The following RGS6 variants were observed in gnomAD, a reference collection of about 807,000 sequenced individuals.
RGS6 encodes the protein regulator of G protein signaling 6, also known as regulator of G-protein signaling 6.
Under a neutral mutation model 78.5 loss-of-function variants are expected in RGS6, and 30 were observed. The ratio of observed to expected loss-of-function variants is 0.38; its 90% CI spans 0.29 to 0.52. The LOEUF is 0.52. Among genes scored for constraint, RGS6 ranks in the 20% least tolerant of loss-of-function variants. RGS6 has a pLI of 0.85. For synonymous variants in RGS6, 206 were observed against 206.0 expected (o/e 1.00, Z 0.00); for missense variants, 495 against 609.7 (o/e 0.81, Z 1.98).
At chr14:72,578,553 T>C in the RGS6 span, among the ~76,000 whole-genome samples, 2 of 152,202 alleles carry the variant, frequency 1.3e-5, no homozygotes, top group Non-Finnish European at 2.9e-5. Flanking sequence ...CCTATTCCCA[T>C]CGAAATTCAC....
intron 2 of RGS6, among the ~76,000 whole-genome samples, chr14:72,022,900 C>T (rs1381314533): frequency 2.6e-5 from 4 of 152,196 alleles, no homozygotes; most frequent in Admixed American, 6.5e-5. Flanking sequence ...GTAAACACAG[C>T]GATGCCTACG....
intron 13 of RGS6, among the ~76,000 whole-genome samples, chr14:72,500,867 A>G (rs1036901525): frequency 1.3e-5 from 2 of 152,218 alleles, no homozygotes; most frequent in African/African-American, 4.8e-5. Context: ...CCTAGCATTG[A>G]GGTGACCAGG....
At chr14:72,316,852 G>T (rs1277936314) in intron 2 of RGS6, among the ~76,000 whole-genome samples, 1 of 150,310 alleles carries the variant, frequency 6.7e-6, no homozygotes, top group Non-Finnish European at 1.5e-5. Context: ...GTAGCTACTA[G>T]CTTATAAACT....
intron 2 of RGS6, among the ~76,000 whole-genome samples, chr14:71,975,885 T>C (rs2094094892): frequency 1.3e-5 from 2 of 152,342 alleles, no homozygotes; most frequent in East Asian, 3.9e-4. Flanking sequence ...TTTCTTATGC[T>C]CTTTTCTGTA....
At chr14:72,313,551 G>A (rs1053076796) in intron 2 of RGS6, among the ~76,000 whole-genome samples, 3 of 152,136 alleles carry the variant, frequency 2.0e-5, no homozygotes, top group African/African-American at 7.2e-5. Flanking sequence ...CCTTATGATC[G>A]TTCCTTCTGC....
intron 2 of RGS6, among the ~76,000 whole-genome samples, chr14:72,229,508 G>A (rs994856300): frequency 2.0e-5 from 3 of 152,134 alleles, no homozygotes. Flanking sequence ...AGCTTCAGCA[G>A]TGCTCTTTAC....
intron 2 of RGS6, among the ~76,000 whole-genome samples, chr14:72,153,170 C>A (rs2096718816): frequency 6.6e-6 from 1 of 152,144 alleles, no homozygotes; most frequent in Non-Finnish European, 1.5e-5. Context: ...TGTTGGGAAA[C>A]CCTATACCTC....
chr14:72,562,399 G>A lies in RGS6; in HGVS notation c.1423-18G>A. On this transcript the variant is annotated intron_variant, in intron 17 of 17. Coordinates refer to ENST00000553525, the MANE Select transcript of RGS6 (RefSeq NM_001204424.2). ...TGTGTGCGCCTGTGCGTGCCTCTCT[G>A]TCGCTGTCTCTCTGCAGGGAAAGTC... is the stretch of plus-strand genomic sequence containing the variant. 6.2e-7 allele frequency: 1 copy of A among 1,611,568 alleles called. No homozygotes were observed. Among genetic ancestry groups the A allele is most frequent in the East Asian group, 2.2e-5 (1 of 44,876 alleles).
At chr14:72,311,313 T>C (rs528143510) in intron 2 of RGS6, among the ~76,000 whole-genome samples, 41 of 152,214 alleles carry the variant, frequency 2.7e-4, no homozygotes, top group Non-Finnish European at 5.1e-4. Flanking sequence ...GTGATTTTTA[T>C]CACACAATCT....
intron 3 of RGS6, among the ~76,000 whole-genome samples, chr14:72,377,931 C>T (rs1326938474): frequency 6.6e-6 from 1 of 152,096 alleles, no homozygotes; most frequent in Non-Finnish European, 1.5e-5. Context: ...ATGCAGTGAG[C>T]CATGATCATG....
chr14:72,404,420 C>A (rs773055731), intron 3 of RGS6, among the ~76,000 whole-genome samples: 4 of 152,142 alleles, frequency 2.6e-5, no homozygotes, highest in East Asian at 1.9e-4. Flanking sequence ...CTGCCTTGTT[C>A]CAGCACTGCC....
intron 2 of RGS6, among the ~76,000 whole-genome samples, chr14:72,268,306 G>T (rs2059385956): frequency 6.6e-6 from 1 of 152,190 alleles, no homozygotes; most frequent in Admixed American, 6.5e-5. Context: ...GGTATTGGGA[G>T]TTTTCTGTTC....
At chr14:72,039,398 C>A (rs544304027) in intron 2 of RGS6, among the ~76,000 whole-genome samples, 1 of 152,224 alleles carries the variant, frequency 6.6e-6, no homozygotes, top group African/African-American at 2.4e-5. Flanking sequence ...CACGTTTATA[C>A]TTATTGTATC....
chr14:72,391,647 G>C (rs569828380), intron 3 of RGS6, among the ~76,000 whole-genome samples: 1 of 152,124 alleles, frequency 6.6e-6, no homozygotes, highest in Non-Finnish European at 1.5e-5. Context: ...CATGCACAAC[G>C]TGCAGGTTTG....
At chr14:72,003,045 G>A (rs921325462) in intron 2 of RGS6, among the ~76,000 whole-genome samples, 4 of 152,144 alleles carry the variant, frequency 2.6e-5, no homozygotes, top group East Asian at 1.9e-4. Context: ...ACTGCTGACT[G>A]AAGATACATA....
the RGS6 span, among the ~76,000 whole-genome samples, chr14:71,889,484 G>A: frequency 6.6e-5 from 10 of 152,034 alleles, no homozygotes; most frequent in Non-Finnish European, 1.2e-4. Context: ...TCACAGAATG[G>A]GAAACTGGAG....
the RGS6 span, among the ~76,000 whole-genome samples, chr14:72,594,539 T>G: frequency 2.0e-5 from 3 of 152,152 alleles, no homozygotes; most frequent in Non-Finnish European, 4.4e-5. Context: ...ACCCCTATCA[T>G]TAGGCTATCA....
intron 3 of RGS6, among the ~76,000 whole-genome samples, chr14:72,413,620 T>G (rs527445370): frequency 5.9e-5 from 9 of 152,342 alleles, no homozygotes; most frequent in African/African-American, 1.9e-4. Context: ...TGATGTTAGC[T>G]GGTTGTTTTG....
At chr14:71,885,247 A>T in the RGS6 span, among the ~76,000 whole-genome samples, 3 of 152,238 alleles carry the variant, frequency 2.0e-5, no homozygotes, top group Non-Finnish European at 4.4e-5. Context: ...TACTCCGTCG[A>T]CACTAAAGAA....
Sources: gnomAD v4.1 joint callset for allele counts (sites outside exome capture counted in the v4.1 genomes callset) on GRCh38, gnomAD v4.1.1 for gene constraint, MANE v1.5 for transcripts, NCBI Gene and HGNC (gene_info 2026-07-23, HGNC 2026-07-21) for gene names.